The following KMT5C variants were observed in gnomAD, a reference collection of about 807,000 sequenced individuals.
KMT5C encodes the protein lysine methyltransferase 5C.
Under a neutral mutation model 38.2 loss-of-function variants are expected in KMT5C, and 16 were observed. The observed-to-expected ratio is 0.42, with a 90% confidence interval of 0.28 to 0.64. The LOEUF is 0.64. KMT5C is among the 30% of genes least tolerant of loss of function. KMT5C has a pLI of 0.23. For synonymous variants in KMT5C, 291 were observed against 279.0 expected, an observed-to-expected ratio of 1.04 and a Z score of -0.43; for missense variants, 598 against 665.1, an observed-to-expected ratio of 0.90 and a Z score of 1.11.
intron 6 of KMT5C, chr19:55,345,052 G>C (rs796801728): frequency 1.8e-5 from 8 of 456,124 alleles, no homozygotes; most frequent in African/African-American, 1.4e-4. Flanking sequence ...GACGCTGGGG[G>C]GGATGGAAAC....
chr19:55,341,842 G>A lies in KMT5C; in HGVS notation c.-95G>A, dbSNP rs2089560652. 4 of 879,952 alleles carry A rather than the reference G, an allele frequency of 4.5e-6. No homozygotes were observed. Among genetic ancestry groups the A allele is most frequent in the Non-Finnish European group, 7.5e-6 (4 of 530,044 alleles). 54.5% of individuals were successfully genotyped at this position (879,952 alleles called of 1,614,324 possible). A position where few individuals can be genotyped will look rare whatever the true frequency, so the allele number is the denominator to read the frequency against. On this transcript the variant is annotated 5_prime_UTR_variant, in exon 2 of 9. Transcript: ENST00000255613. ...GTCCCCCATGGCTTCTGAGTAGCGT[G>A]GGAGTGGAGTCAGCACCAAGCCAGG...
chr19:55,340,606 C>G (rs2089545917), intron 1 of KMT5C, among the ~76,000 whole-genome samples: 1 of 150,366 alleles, frequency 6.7e-6, no homozygotes, highest in African/African-American at 2.5e-5. Context: ...TCCCCCAGGA[C>G]CCCACCAAGC....
In KMT5C at chr19:55,347,617, T is replaced by TGGG; in HGVS notation, c.*169_*170insGGG. ...TGGACACCCCCAGGGATCTGAGCCC[T>TGGG]GACCCTTTGTGACTGCTGACCCCTG... On this transcript the variant is annotated 3_prime_UTR_variant, in exon 9 of 9. Coordinates refer to ENST00000255613, the MANE Select transcript of KMT5C (RefSeq NM_032701.4). The surrounding 1 kb of genome is among the most constrained non-coding windows in gnomAD (Gnocchi z 4.6). The TGGG allele has an allele frequency of 8.9e-7, 1 of 1,129,698 alleles. No individual in the cohort carries two copies. Among genetic ancestry groups the TGGG allele is most frequent in the South Asian group, 2.0e-5 (1 of 51,040 alleles). The allele number at this position is 1,129,698 out of a possible 1,614,324, so 70.0% of individuals were successfully genotyped here. A position where few individuals can be genotyped will look rare whatever the true frequency, so the allele number is the denominator to read the frequency against.
At position 55,343,976 on chromosome 19, in the gene KMT5C, A is replaced by G; in HGVS notation, c.551-2A>G. 1 of 1,612,636 alleles carries G rather than the reference A, an allele frequency of 6.2e-7. No individual in the cohort carries two copies. Among genetic ancestry groups the G allele is most frequent in the Non-Finnish European group, 8.5e-7 (1 of 1,178,818 alleles). On this transcript the variant is annotated splice_acceptor_variant, in intron 5 of 8. Coordinates refer to ENST00000255613, the MANE Select transcript of KMT5C (RefSeq NM_032701.4). LOFTEE classifies it high-confidence loss of function. This position sits in a 1 kb window ranked among gnomAD's most constrained non-coding sequence, Gnocchi z 5.5. Reference sequence around the variant, plus strand: ...TCTCTCTCCTGCCCCAACTGGCTCCAGACTGCAAACCCAACTGCAAGGTAA... The same window carrying G: ...TCTCTCTCCTGCCCCAACTGGCTCCGGACTGCAAACCCAACTGCAAGGTAA...
In KMT5C at chr19:55,346,502, A is replaced by G. The variant is rs2089618811; in HGVS notation, c.710A>G (p.Lys237Arg). The change falls in exon 8 of 9, where the codon AAA (lysine) becomes AGA (arginine). Residue 237 changes from lysine (K) to arginine (R), a missense_variant and splice_region_variant. By Grantham distance (26) the Lys-to-Arg change is conservative. This residue lies in a region of KMT5C where 105 missense variants were observed against 179.2 expected (regional missense o/e 0.59). Transcript: ENST00000255613. Reference sequence around the variant, plus strand: ...CTCCCCTTCACCCGGTCTCCCAGGAAAGGTGAAGGAGCTTTCCGAACCAGG... The same window carrying G: ...CTCCCCTTCACCCGGTCTCCCAGGAGAGGTGAAGGAGCTTTCCGAACCAGG... ...EHCECHTCER[K>R]GEGAFRTRPR... 1.3e-6 allele frequency: 2 copies of G among 1,593,570 alleles called. No homozygotes were observed. The highest frequency in any genetic ancestry group is 1.7e-6 in the Non-Finnish European group (2 of 1,170,532).
intron 6 of KMT5C, chr19:55,344,230 C>T (rs920501779): frequency 8.7e-5 from 35 of 400,642 alleles, no homozygotes; most frequent in Non-Finnish European, 8.3e-5. Context: ...GGCGTGGTGG[C>T]GGGCGCCTGT....
chr19:55,342,189 G>C, intron 2 of KMT5C, 26 bp from the exon 3 acceptor site: 2 of 1,605,140 alleles, frequency 1.2e-6, no homozygotes, highest in East Asian at 4.5e-5. Context: ...GAAGGCCCTG[G>C]GACCCAGGCA....
chr19:55,344,747 G>T lies in KMT5C; in HGVS notation c.570+750G>T, dbSNP rs760506805. On this transcript the variant is annotated intron_variant, in intron 6 of 8. Transcript: ENST00000255613. ...CAGACATGCCCAGGAGAGGCCGCTGGTTGTCCTGTAGCCCGGAAGCAGAAG... is the reference window on the plus strand; with the variant it reads ...CAGACATGCCCAGGAGAGGCCGCTGTTTGTCCTGTAGCCCGGAAGCAGAAG... The T allele has an allele frequency of 2.3e-5, 12 of 527,810 alleles. No homozygotes were observed. In the African/African-American group the frequency reaches 2.3e-4, roughly 10 times the overall value. 32.7% of individuals were successfully genotyped at this position (527,810 alleles called of 1,614,324 possible). A position where few individuals can be genotyped will look rare whatever the true frequency, so the allele number is the denominator to read the frequency against.
At chr19:55,342,898 T>C (rs2089575825) in intron 4 of KMT5C, 47 bp downstream of exon 4, 2 of 1,189,488 alleles carry the variant, frequency 1.7e-6, no homozygotes, top group Admixed American at 3.4e-5. Flanking sequence ...GAGACAGAGC[T>C]CAGAGGGGAC....
Position 55,343,885 on chromosome 19 carries a change from A to C in KMT5C, c.550+42A>C. The C allele has an allele frequency of 6.2e-7, 1 of 1,609,414 alleles. No homozygotes were observed. The highest frequency in any genetic ancestry group is 8.5e-7 in the Non-Finnish European group (1 of 1,176,252). ...TGGATGGGCAGGACGGGATAGAGCCAGGCAGGGCTGGAGGGGTGTAGTGGG... is the reference window on the plus strand; with the variant it reads ...TGGATGGGCAGGACGGGATAGAGCCCGGCAGGGCTGGAGGGGTGTAGTGGG... On this transcript the variant is annotated intron_variant, in intron 5 of 8. Coordinates refer to ENST00000255613, the MANE Select transcript of KMT5C (RefSeq NM_032701.4). This position sits in a 1 kb window ranked among gnomAD's most constrained non-coding sequence, Gnocchi z 5.5.
At chr19:55,340,360 C>T (rs1230851716) in intron 1 of KMT5C, among the ~76,000 whole-genome samples, 1 of 151,760 alleles carries the variant, frequency 6.6e-6, no homozygotes, top group Non-Finnish European at 1.5e-5. Flanking sequence ...CCCGGGACCT[C>T]CCTGCACTCC....
At position 55,346,491 on chromosome 19, in the gene KMT5C, G is replaced by A. The variant is rs1239268063; in HGVS notation, c.708-9G>A. On this transcript the variant is annotated splice_polypyrimidine_tract_variant and intron_variant, in intron 7 of 8. Coordinates refer to ENST00000255613, the MANE Select transcript of KMT5C (RefSeq NM_032701.4). ...CCCGGCCTCATCTCCCCTTCACCCGGTCTCCCAGGAAAGGTGAAGGAGCTT... is the reference window on the plus strand; with the variant it reads ...CCCGGCCTCATCTCCCCTTCACCCGATCTCCCAGGAAAGGTGAAGGAGCTT... 1.3e-6 allele frequency: 2 copies of A among 1,591,496 alleles called. No homozygotes were observed. The highest frequency in any genetic ancestry group is 1.8e-5 in the Admixed American group (1 of 56,452).
rs1600263185 is a variant in KMT5C at position 55,343,399 on chromosome 19, T to G, written c.387-281T>G. The G allele has an allele frequency of 2.1e-6, 1 of 479,620 alleles. No individual in the cohort carries two copies. The highest frequency in any genetic ancestry group is 3.8e-6 in the Non-Finnish European group (1 of 263,518). 29.7% of individuals were successfully genotyped at this position (479,620 alleles called of 1,614,324 possible). On this transcript the variant is annotated intron_variant, in intron 4 of 8. Coordinates refer to ENST00000255613, the MANE Select transcript of KMT5C (RefSeq NM_032701.4). This position sits in a 1 kb window ranked among gnomAD's most constrained non-coding sequence, Gnocchi z 5.5. ...GCAGGAGGGATTTGGGGGCAGGAGG[T>G]GCTATGAGAGCGAGGGGAGAGAATG...
intron 3 of KMT5C, 131 bp from the exon 4 acceptor site, chr19:55,342,611 G>A (rs948308095): frequency 1.2e-5 from 8 of 654,158 alleles, no homozygotes; most frequent in Admixed American, 2.4e-5. Context: ...GGAAACTGAG[G>A]CCCCGAGAGG....
chr19:55,345,299 C>T (rs1037765937), intron 6 of KMT5C: 11 of 352,612 alleles, frequency 3.1e-5, no homozygotes, highest in African/African-American at 6.4e-5. Flanking sequence ...GGCTTTGATC[C>T]GGCAGCAAGG....
At position 55,342,331 on chromosome 19, in the gene KMT5C, G is replaced by T. The variant is rs556445735; in HGVS notation, c.227G>T (p.Arg76Leu). Residue 76 changes from arginine to leucine, a missense_variant, in exon 3 of 9, where the codon CGC becomes CTC. Coordinates refer to ENST00000255613, the MANE Select transcript of KMT5C (RefSeq NM_032701.4). The part of the protein sequence containing the change: ...RALTLGGWTA[R>L]YFQSRGPRQE... Reference sequence around the variant, plus strand: ...CTGACGCTGGGAGGCTGGACGGCCCGCTACTTCCAGAGCCGGGGCCCGCGG... The same window carrying T: ...CTGACGCTGGGAGGCTGGACGGCCCTCTACTTCCAGAGCCGGGGCCCGCGG... The T allele has an allele frequency of 1.9e-6, 3 of 1,564,500 alleles. No individual in the cohort carries two copies. Among genetic ancestry groups the T allele is most frequent in the African/African-American group, 2.7e-5 (2 of 73,712 alleles).
chr19:55,343,193 C>CCCCTGT lies in KMT5C; in HGVS notation c.386+342_386+343insCCCTGT, dbSNP rs1555900558. The CCCCTGT allele has an allele frequency of 5.6e-4, 200 of 358,992 alleles. No homozygotes were observed. Among genetic ancestry groups the CCCCTGT allele is most frequent in the African/African-American group, 3.9e-3 (184 of 47,742 alleles). The allele number at this position is 358,992 out of a possible 1,614,324, so 22.2% of individuals were successfully genotyped here. On this transcript the variant is annotated intron_variant, in intron 4 of 8. Coordinates refer to ENST00000255613, the MANE Select transcript of KMT5C (RefSeq NM_032701.4). The surrounding 1 kb of genome is among the most constrained non-coding windows in gnomAD (Gnocchi z 5.5). The stretch of plus-strand genomic sequence containing the variant: ...TGAGGAGCCCCTGCCCCTGCCCCTG[C>CCCCTGT]GGGGTTCACAGTCTGGTGAGGAGGT...
rs2089585194 is a variant in KMT5C, at chr19:55,343,612, C to G, written c.387-68C>G. The G allele has an allele frequency of 6.7e-7, 1 of 1,502,426 alleles. No individual in the cohort carries two copies. 93.1% of individuals were successfully genotyped at this position (1,502,426 alleles called of 1,614,324 possible). A position where few individuals can be genotyped will look rare whatever the true frequency, so the allele number is the denominator to read the frequency against. ...TCCTGGGTGCCTCTGTGCCGGAGGC[C>G]CGAGTCCCCTGAACACCTGCAGGAG... On this transcript the variant is annotated intron_variant, in intron 4 of 8. Coordinates refer to ENST00000255613, the MANE Select transcript of KMT5C (RefSeq NM_032701.4). This position sits in a 1 kb window ranked among gnomAD's most constrained non-coding sequence, Gnocchi z 5.5.
rs2089582439 is a variant in KMT5C at position 55,343,375 on chromosome 19, C to CGAGT, written c.387-305_387-304insGAGT. ...TGGGGCGAGTAGGGGGTAGTCCAGG[C>CGAGT]AGGAGGGATTTGGGGGCAGGAGGTG... On this transcript the variant is annotated intron_variant, in intron 4 of 8. Transcript: ENST00000255613. This position sits in a 1 kb window ranked among gnomAD's most constrained non-coding sequence, Gnocchi z 5.5. The CGAGT allele has an allele frequency of 1.4e-5, 6 of 442,612 alleles. No homozygotes were observed. The highest frequency in any genetic ancestry group is 2.1e-5 in the Non-Finnish European group (5 of 240,320). The allele number at this position is 442,612 out of a possible 1,614,324, so 27.4% of individuals were successfully genotyped here. A position where few individuals can be genotyped will look rare whatever the true frequency, so the allele number is the denominator to read the frequency against.
Sources: allele counts gnomAD v4.1 joint callset (sites outside exome capture counted in the v4.1 genomes callset), GRCh38; gene constraint gnomAD v4.1.1; regional missense constraint gnomAD v4.1.1; non-coding constraint Gnocchi (gnomAD v3.1); transcripts MANE v1.5; gene names NCBI Gene and HGNC (gene_info 2026-07-23, HGNC 2026-07-21).